Variants in MALRD1 observed in about 807,000 individuals in gnomAD.
MALRD1 encodes the protein MAM and LDL-receptor class A domain-containing protein 1.
Under a neutral mutation model 242.1 loss-of-function variants are expected in MALRD1, and 247 were observed. The ratio of observed to expected loss-of-function variants is 1.02; its 90% CI spans 0.92 to 1.13. The LOEUF is 1.13. Ranked by LOEUF, MALRD1 falls within the 50% of genes most tolerant of loss-of-function variation. The pLI, the probability that MALRD1 is intolerant of heterozygous loss-of-function variation, is 0.00. For synonymous variants in MALRD1, 995 were observed against 866.6 expected (o/e 1.15, Z -2.60); for missense variants, 2,989 against 2,533.1 (o/e 1.18, Z -3.86).
chr10:19,435,030 C>T (rs1366371694), intron 28 of MALRD1, among the ~76,000 whole-genome samples: 3 of 151,310 alleles, frequency 2.0e-5, no homozygotes, highest in Admixed American at 6.6e-5. Flanking sequence ...AAAGGTCAGA[C>T]AGTTCTTACA....
intron 2 of MALRD1, among the ~76,000 whole-genome samples, chr10:19,070,674 T>C (rs1434209003): frequency 6.6e-6 from 1 of 151,992 alleles, no homozygotes; most frequent in Non-Finnish European, 1.5e-5. Context: ...TGATTAAATT[T>C]TCCCGTGTAT....
intron 31 of MALRD1, among the ~76,000 whole-genome samples, chr10:19,528,283 T>C (rs1339823174): frequency 6.6e-6 from 1 of 152,212 alleles, no homozygotes. Flanking sequence ...TCAGACAAAG[T>C]TCCCTGCTTA....
chr10:19,484,821 G>T (rs1023139222), intron 29 of MALRD1, among the ~76,000 whole-genome samples: 1 of 152,068 alleles, frequency 6.6e-6, no homozygotes, highest in African/African-American at 2.4e-5. Context: ...CCCATTACTG[G>T]GTATCTACCC....
chr10:19,643,830 G>A (rs759979077), intron 36 of MALRD1, among the ~76,000 whole-genome samples: 3 of 152,126 alleles, frequency 2.0e-5, no homozygotes, highest in Admixed American at 6.5e-5. Context: ...CCTGGGCTGC[G>A]TCAAGAGGCT....
chr10:19,580,119 GA>G (rs1837037360), intron 33 of MALRD1, among the ~76,000 whole-genome samples: 1 of 152,000 alleles, frequency 6.6e-6, no homozygotes, highest in African/African-American at 2.4e-5. Flanking sequence ...CTTATGGCAG[GA>G]AAAAAATGGC....
intron 26 of MALRD1, among the ~76,000 whole-genome samples, chr10:19,369,797 A>G (rs544398424): frequency 6.6e-6 from 1 of 151,794 alleles, no homozygotes; most frequent in Non-Finnish European, 1.5e-5. Context: ...GATATTTTTT[A>G]TATACTCTAG....
chr10:19,555,172 T>C (rs1855153), intron 32 of MALRD1, among the ~76,000 whole-genome samples: 123,989 of 152,010 alleles, frequency 0.82, 50,727 homozygotes, highest in Non-Finnish European at 0.85. Flanking sequence ...GCCAGGCTTC[T>C]TTAAACAACC....
intron 11 of MALRD1, among the ~76,000 whole-genome samples, chr10:19,147,467 GA>G (rs1833763003): frequency 6.6e-6 from 1 of 152,208 alleles, no homozygotes; most frequent in Non-Finnish European, 1.5e-5. Context: ...TTTTGTGGCA[GA>G]CAAAGTTAAG....
rs1835175579 is a variant in MALRD1 at position 19,175,125 on chromosome 10, G to A, written c.1831-83G>A. 8.1e-6 allele frequency: 8 copies of A among 990,866 alleles called. No individual in the cohort carries two copies. In the East Asian group the frequency reaches 1.4e-4, roughly 17 times the overall value. 61.4% of individuals were successfully genotyped at this position (990,866 alleles called of 1,614,324 possible). ...TGGAGAATGGGACAGATGTAAATAG[G>A]GTTCCTCTACACAAAGAAATATGAT... is the stretch of plus-strand genomic sequence containing the variant. On this transcript the variant is annotated intron_variant, in intron 13 of 39. Transcript: ENST00000454679.
chr10:19,252,735 G>A (rs1043046862), intron 18 of MALRD1, among the ~76,000 whole-genome samples: 4 of 151,772 alleles, frequency 2.6e-5, no homozygotes, highest in African/African-American at 9.7e-5. Flanking sequence ...CATGATAAAT[G>A]GTTTTCATAT....
At chr10:19,306,237 CTATA>C (rs1842188782) in intron 21 of MALRD1, among the ~76,000 whole-genome samples, 1 of 131,312 alleles carries the variant, frequency 7.6e-6, no homozygotes, top group African/African-American at 2.8e-5. Context: ...ATATACTATA[CTATA>C]TATACTATAC....
intron 21 of MALRD1, among the ~76,000 whole-genome samples, chr10:19,306,716 G>T (rs1240780316): frequency 1.3e-5 from 2 of 151,306 alleles, no homozygotes; most frequent in African/African-American, 4.9e-5. Context: ...TTGACTCACA[G>T]TTCAGCATGG....
chr10:19,663,798 T>G (rs1841551268), intron 36 of MALRD1, among the ~76,000 whole-genome samples: 1 of 151,416 alleles, frequency 6.6e-6, no homozygotes, highest in African/African-American at 2.4e-5. Context: ...AAATGGGAGT[T>G]TTTTTTTTCC....
chr10:19,530,897 C>T (rs1564417933), intron 31 of MALRD1, among the ~76,000 whole-genome samples: 1 of 152,118 alleles, frequency 6.6e-6, no homozygotes, highest in Non-Finnish European at 1.5e-5. Context: ...TTGCTGGAAT[C>T]TGACAGGTTT....
At chr10:19,303,091 G>A (rs1164090678) in intron 21 of MALRD1, among the ~76,000 whole-genome samples, 1 of 151,518 alleles carries the variant, frequency 6.6e-6, no homozygotes, top group African/African-American at 2.4e-5. Context: ...AGATAGACTG[G>A]ATGAAAAGTT....
chr10:19,539,242 T>C (rs1374137638), intron 32 of MALRD1, among the ~76,000 whole-genome samples: 2 of 152,122 alleles, frequency 1.3e-5, no homozygotes, highest in African/African-American at 4.8e-5. Flanking sequence ...TTTTAACAGG[T>C]AAGGCAAATG....
chr10:19,349,006 G>A (rs377720822), intron 25 of MALRD1, among the ~76,000 whole-genome samples: 6 of 152,244 alleles, frequency 3.9e-5, no homozygotes, highest in African/African-American at 1.4e-4. Flanking sequence ...CTGTCGCCCA[G>A]GCTGGAGTGC....
intron 14 of MALRD1, among the ~76,000 whole-genome samples, chr10:19,191,379 T>G (rs1254718848): frequency 1.3e-5 from 2 of 152,176 alleles, no homozygotes; most frequent in African/African-American, 4.8e-5. Context: ...ATCAGAACTC[T>G]TGTGCACTGT....
At chr10:19,122,733 A>T (rs1047950132) in intron 5 of MALRD1, among the ~76,000 whole-genome samples, 7 of 149,966 alleles carry the variant, frequency 4.7e-5, no homozygotes, top group Non-Finnish European at 7.4e-5. Flanking sequence ...CACAGGCACA[A>T]TTTTTTTTTT....
Sources: allele counts gnomAD v4.1 joint callset (sites outside exome capture counted in the v4.1 genomes callset), GRCh38; gene constraint gnomAD v4.1.1; transcripts MANE v1.5; gene names NCBI Gene and HGNC (gene_info 2026-07-23, HGNC 2026-07-21).